The following IFT140 variants were observed in gnomAD, a reference collection of about 807,000 sequenced individuals.
IFT140 encodes intraflagellar transport protein 140 homolog.
Under a neutral mutation model 164.6 loss-of-function variants are expected in IFT140, and 133 were observed. The observed-to-expected ratio is 0.81, with a 90% confidence interval of 0.70 to 0.93. The LOEUF (loss-of-function observed/expected upper bound fraction) is 0.93. Among genes scored for constraint, IFT140 ranks in the 40% least tolerant of loss-of-function variants. The pLI is 0.00. For synonymous variants in IFT140, 860 were observed against 817.3 expected, an observed-to-expected ratio of 1.05 and a Z score of -0.89; for missense variants, 2,045 against 1,972.3, an observed-to-expected ratio of 1.04 and a Z score of -0.70.
chr16:1,578,856 C>T (rs577887266), intron 13 of IFT140, among the ~76,000 whole-genome samples: 10 of 152,278 alleles, frequency 6.6e-5, no homozygotes, highest in African/African-American at 1.9e-4. Flanking sequence ...GCACTATAGG[C>T]GTGCGCCACC....
chr16:1,557,576 A>G (rs1225449075), intron 19 of IFT140: 4 of 223,536 alleles, frequency 1.8e-5, no homozygotes, highest in Non-Finnish European at 3.5e-5. Context: ...CCTCTTTCAG[A>G]GCATTTTTAA....
At chr16:1,520,578 G>A (rs919086025) in intron 27 of IFT140, 24 bp downstream of exon 27, 31 of 1,548,892 alleles carry the variant, frequency 2.0e-5, no homozygotes, top group Admixed American at 5.7e-5. Flanking sequence ...AGGTAGCCGC[G>A]GGCTGGGGCC....
At chr16:1,586,407 T>G in intron 9 of IFT140, 132 bp from the exon 10 acceptor site, 22 of 812,790 alleles carry the variant, frequency 2.7e-5, no homozygotes, top group East Asian at 1.2e-4. Context: ...ACCTCATCCC[T>G]GGCTGCATCT....
rs1349904012 is a variant in IFT140, at chr16:1,526,315, C to T, written c.2578-238G>A. 6 of 590,808 alleles carry T rather than the reference C, an allele frequency of 1.0e-5. No individual in the cohort carries two copies. In the South Asian group the frequency reaches 1.2e-4, roughly 12 times the overall value. The allele number at this position is 590,808 out of a possible 1,614,324, so 36.6% of individuals were successfully genotyped here. A position where few individuals can be genotyped will look rare whatever the true frequency, so the allele number is the denominator to read the frequency against. ...CCTCCCACAGCCCCCCTCCCACAGC[C>T]CCCCCTCCCACAGCCTCCCCAGAAG... On this transcript the variant is annotated intron_variant, in intron 20 of 30. Transcript: ENST00000426508.
In IFT140 at chr16:1,553,443, C is replaced by G. The variant is rs886590682; in HGVS notation, c.2399+4492G>C. 5.0e-5 allele frequency: 49 copies of G among 985,280 alleles called. No homozygotes were observed. Among genetic ancestry groups the G allele is most frequent in the Non-Finnish European group, 5.8e-5 (48 of 829,918 alleles). The allele number at this position is 985,280 out of a possible 1,614,324, so 61.0% of individuals were successfully genotyped here. On this transcript the variant is annotated intron_variant, in intron 19 of 30. Transcript: ENST00000426508. This position sits in a 1 kb window ranked among gnomAD's most constrained non-coding sequence, Gnocchi z 4.4. ...TTGGGAGTGGAGAGACCGGCATGAACAGACGCACAGGTGTCAACATGCAGG... is the reference window on the plus strand; with the variant it reads ...TTGGGAGTGGAGAGACCGGCATGAAGAGACGCACAGGTGTCAACATGCAGG...
chr16:1,600,078 A>C (rs938407632), intron 4 of IFT140, among the ~76,000 whole-genome samples: 9 of 148,494 alleles, frequency 6.1e-5, no homozygotes, highest in Admixed American at 4.0e-4. Context: ...AGTAGAAGAC[A>C]TGGGAGACTT....
At chr16:1,520,455 G>T (rs2040488453) in intron 27 of IFT140, 112 bp from the exon 28 acceptor site, 1 of 1,357,360 alleles carries the variant, frequency 7.4e-7, no homozygotes, top group Non-Finnish European at 1.0e-6. Context: ...GCCCGGTAGA[G>T]AGAGATCTTA....
intron 19 of IFT140, chr16:1,534,472 G>T: frequency 6.2e-7 from 1 of 1,610,860 alleles, no homozygotes; most frequent in Non-Finnish European, 8.5e-7. Context: ...GCCAGAGCCG[G>T]CCAGGTGGAC....
intron 24 of IFT140, chr16:1,524,168 C>T (rs1447051722): frequency 1.5e-6 from 1 of 664,444 alleles, no homozygotes; most frequent in Admixed American, 3.1e-5. Flanking sequence ...CAGAGCACTG[C>T]AAGAAATACC....
intron 19 of IFT140, chr16:1,554,957 C>T (rs772976749): frequency 6.2e-7 from 1 of 1,613,972 alleles, no homozygotes; most frequent in African/African-American, 1.3e-5. Flanking sequence ...GGGTGATTGT[C>T]ATCAGCCGCT....
chr16:1,587,953 G>C lies in IFT140; in HGVS notation c.882C>G (p.Ala294=). Residue 294 remains alanine, a synonymous_variant, in exon 8 of 31, where the codon GCC becomes GCG. Transcript: ENST00000426508. ...CTCACCTGAGGGCAGCCTCCCCGAC[G>C]GCCATCACGAGAAGGCTGCCTTCAA... is the stretch of plus-strand genomic sequence containing the variant. ...ALIEGSLLVM[A]VGEAALRFWD... is the part of the protein sequence containing the mutation. The C allele has an allele frequency of 1.2e-6, 2 of 1,612,798 alleles. No homozygotes were observed. The highest frequency in any genetic ancestry group is 8.5e-7 in the Non-Finnish European group (1 of 1,179,410).
At chr16:1,542,291 G>A (rs1314529606) in intron 19 of IFT140, among the ~76,000 whole-genome samples, 1 of 152,258 alleles carries the variant, frequency 6.6e-6, no homozygotes, top group Non-Finnish European at 1.5e-5. Context: ...AGGCCAAGGA[G>A]CAGGGAGGCT....
At chr16:1,603,260 G>A (rs189596779) in intron 3 of IFT140, among the ~76,000 whole-genome samples, 66 of 152,256 alleles carry the variant, frequency 4.3e-4, no homozygotes, top group African/African-American at 1.4e-3. Context: ...AACCACCAGC[G>A]AGCCAGCAGG....
intron 7 of IFT140, among the ~76,000 whole-genome samples, chr16:1,589,067 C>A (rs1166836927): frequency 6.6e-6 from 1 of 152,198 alleles, no homozygotes; most frequent in African/African-American, 2.4e-5. Context: ...GCCCCTGGGA[C>A]GAGGTCCCTG....
intron 29 of IFT140, among the ~76,000 whole-genome samples, chr16:1,519,321 G>C (rs1274403247): frequency 6.6e-6 from 1 of 152,200 alleles, no homozygotes. Flanking sequence ...TGCCCACCGT[G>C]GTGGCCACAC....
At position 1,510,800 on chromosome 16, in the gene IFT140, C is replaced by A; in HGVS notation, c.*144G>T. 1 of 780,706 alleles carries A rather than the reference C, an allele frequency of 1.3e-6. No individual in the cohort carries two copies. The highest frequency in any genetic ancestry group is 2.1e-6 in the Non-Finnish European group (1 of 472,414). 48.4% of individuals were successfully genotyped at this position (780,706 alleles called of 1,614,324 possible). On this transcript the variant is annotated 3_prime_UTR_variant, in exon 31 of 31. Transcript: ENST00000426508. Reference sequence around the variant, plus strand: ...GGTCACACCCTCCGCCGGCCCGGGCCGCTGCGTTCTCGCCCAGCTCTGTCG... The same window carrying A: ...GGTCACACCCTCCGCCGGCCCGGGCAGCTGCGTTCTCGCCCAGCTCTGTCG...
In IFT140 at chr16:1,525,330, T is replaced by G. The variant is rs2040655566; in HGVS notation, c.2769-4A>C. The G allele has an allele frequency of 1.9e-6, 3 of 1,609,416 alleles. No individual in the cohort carries two copies. In the South Asian group the frequency reaches 3.3e-5, roughly 18 times the overall value. ...GTGCGTGTCCGACTTCTCGTAGCTG[T>G]GAGAGAAGGAGACAGAGGTCCTCGT... On this transcript the variant is annotated splice_polypyrimidine_tract_variant and splice_region_variant and intron_variant, in intron 21 of 30. Coordinates refer to ENST00000426508, the MANE Select transcript of IFT140 (RefSeq NM_014714.4).
At chr16:1,541,743 C>T (rs2031659936) in intron 19 of IFT140, among the ~76,000 whole-genome samples, 1 of 151,962 alleles carries the variant, frequency 6.6e-6, no homozygotes, top group Non-Finnish European at 1.5e-5. Flanking sequence ...GGACCCAGGG[C>T]TTGCAGGCAG....
At chr16:1,540,878 G>A in intron 19 of IFT140, 3 of 985,462 alleles carry the variant, frequency 3.0e-6, no homozygotes, top group Non-Finnish European at 1.2e-6. Context: ...TGGGGCTGTT[G>A]CTTCACATGC....
Sources: gnomAD v4.1 joint callset for allele counts (sites outside exome capture counted in the v4.1 genomes callset) on GRCh38, gnomAD v4.1.1 for gene constraint, Gnocchi (gnomAD v3.1) non-coding constraint, MANE v1.5 for transcripts, NCBI Gene and HGNC (gene_info 2026-07-23, HGNC 2026-07-21) for gene names.